The following PRSS8 variants were observed in gnomAD, a reference collection of about 807,000 sequenced individuals.
The protein encoded by PRSS8 is serine protease 8, also known as prostasin.
PRSS8 carries 11 observed loss-of-function variants against 26.7 expected under a neutral mutation model. That is an observed-to-expected ratio of 0.41 (90% CI 0.26 to 0.68). The LOEUF is 0.68. Among genes scored for constraint, PRSS8 ranks in the 30% least tolerant of loss-of-function variants. PRSS8 has a pLI of 0.30. For missense variants in PRSS8, 362 were observed against 443.5 expected (o/e 0.82, Z 1.65); for synonymous variants, 183 against 187.0 (o/e 0.98, Z 0.17).
Position 31,135,698 on chromosome 16 carries a change from A to G in PRSS8, c.-200T>C. 1 of 576,214 alleles carries G rather than the reference A, an allele frequency of 1.7e-6. No homozygotes were observed. The highest frequency in any genetic ancestry group is 3.1e-6 in the Non-Finnish European group (1 of 325,878). 35.7% of individuals were successfully genotyped at this position (576,214 alleles called of 1,614,324 possible). A position where few individuals can be genotyped will look rare whatever the true frequency, so the allele number is the denominator to read the frequency against. ...GGAGACGCCTGGAGTATCCGAAGCG[A>G]GCAGTGTGGACGAGTCACCAGCACC... On this transcript the variant is annotated 5_prime_UTR_variant, in exon 1 of 6. Transcript: ENST00000317508.
Position 31,131,462 on chromosome 16 carries a change from C to T in PRSS8, c.*547G>A, listed in dbSNP as rs2143999832. On this transcript the variant is annotated 3_prime_UTR_variant, in exon 6 of 6. Coordinates refer to ENST00000317508, the MANE Select transcript of PRSS8 (RefSeq NM_002773.5). ...GCTCAAACATTTTAATCATTTCTGCCCTGTTACTCCCACCCCAGATCCAAG... is the reference window on the plus strand; with the variant it reads ...GCTCAAACATTTTAATCATTTCTGCTCTGTTACTCCCACCCCAGATCCAAG... 1 of 640,718 alleles carries T rather than the reference C, an allele frequency of 1.6e-6. No homozygotes were observed. The highest frequency in any genetic ancestry group is 2.8e-5 in the East Asian group (1 of 35,712). 39.7% of individuals were successfully genotyped at this position (640,718 alleles called of 1,614,324 possible). A position where few individuals can be genotyped will look rare whatever the true frequency, so the allele number is the denominator to read the frequency against.
rs956659087 is a variant in PRSS8, at chr16:31,133,332, C to T, written c.160G>A (p.Gly54Ser). ...RITGGSSAVA[G>S]QWPWQVSITY... ...ATGCTGACCTGCCAGGGCCACTGACCGGCGACTGCACTGCTGCCACCTGTG... is the reference window on the plus strand; with the variant it reads ...ATGCTGACCTGCCAGGGCCACTGACTGGCGACTGCACTGCTGCCACCTGTG... Residue 54 changes from glycine (G) to serine (S), a missense_variant, in exon 3 of 6, where the codon GGT becomes AGT. Physicochemically the swap from Gly to Ser is moderately conservative, Grantham distance 56. Transcript: ENST00000317508. This position sits in a 1 kb window ranked among gnomAD's most constrained non-coding sequence, Gnocchi z 4.7. 5.0e-6 allele frequency: 8 copies of T among 1,613,952 alleles called. No homozygotes were observed. Among genetic ancestry groups the T allele is most frequent in the South Asian group, 1.1e-5 (1 of 91,080 alleles).
chr16:31,134,972 G>C, intron 2 of PRSS8, 182 bp downstream of exon 2: 1 of 685,432 alleles, frequency 1.5e-6, no homozygotes, highest in South Asian at 1.9e-5. Context: ...CTGGCAGTGT[G>C]CCCTGGGCAA....
intron 2 of PRSS8, 23 bp downstream of exon 2, chr16:31,135,131 T>A (rs1166912773): frequency 3.1e-6 from 5 of 1,610,662 alleles, no homozygotes; most frequent in Non-Finnish European, 4.2e-6. Context: ...CCTCCCCTCC[T>A]CCCTCTCCGA....
rs765273950 is a variant in PRSS8 at position 31,133,309 on chromosome 16, G to A, written c.183C>T (p.Ser61=). The A allele has an allele frequency of 6.2e-7, 1 of 1,614,004 alleles. No homozygotes were observed. The highest frequency in any genetic ancestry group is 1.7e-5 in the Admixed American group (1 of 60,018). The change falls in exon 3 of 6, where the codon AGC becomes AGT. Residue 61 remains serine, a synonymous_variant. Transcript: ENST00000317508. This position sits in a 1 kb window ranked among gnomAD's most constrained non-coding sequence, Gnocchi z 4.7. ...ACACATGGACGCCTTCATAGGTGAT[G>A]CTGACCTGCCAGGGCCACTGACCGG... is the stretch of plus-strand genomic sequence containing the variant. ...AVAGQWPWQV[S]ITYEGVHVCG...
Position 31,133,521 on chromosome 16 carries a change from AGTTGTGCCCCTTCTGT to A in PRSS8, c.104-149_104-134del. 1 of 1,123,020 alleles carries A rather than the reference AGTTGTGCCCCTTCTGT, an allele frequency of 8.9e-7. No individual in the cohort carries two copies. The highest frequency in any genetic ancestry group is 1.6e-5 in the African/African-American group (1 of 64,228). The allele number at this position is 1,123,020 out of a possible 1,614,324, so 69.6% of individuals were successfully genotyped here. A position where few individuals can be genotyped will look rare whatever the true frequency, so the allele number is the denominator to read the frequency against. ...CCTTTGTCCCCTCCCAGGCATGGGCAGTTGTGCCCCTTCTGTCCACTACCCATTACCTAATTCAGGT... is the reference window on the plus strand; with the variant it reads ...CCTTTGTCCCCTCCCAGGCATGGGCACCACTACCCATTACCTAATTCAGGT... On this transcript the variant is annotated intron_variant, in intron 2 of 5. Transcript: ENST00000317508. This position sits in a 1 kb window ranked among gnomAD's most constrained non-coding sequence, Gnocchi z 4.7.
rs1159275732 is a variant in PRSS8, at chr16:31,135,486, C to G, written c.13G>C (p.Gly5Arg). The G allele has an allele frequency of 1.3e-6, 2 of 1,568,678 alleles. No homozygotes were observed. The highest frequency in any genetic ancestry group is 1.7e-6 in the Non-Finnish European group (2 of 1,158,166). Reference protein sequence around the residue: MAQKGVLGPGQLGAV... With the variant: MAQKRVLGPGQLGAV... ...CCCAGCTGCCCAGGCCCCAGGACCC[C>G]CTTCTGGGCCATGGCCCAGGACAAG... The change falls in exon 1 of 6, where the codon GGG (glycine) becomes CGG (arginine). Residue 5 changes from glycine (G) to arginine (R), a missense_variant. By Grantham distance (125) the Gly-to-Arg change is moderately radical. Coordinates refer to ENST00000317508, the MANE Select transcript of PRSS8 (RefSeq NM_002773.5).
chr16:31,135,187 A>C lies in PRSS8; in HGVS notation c.86-16T>G. On this transcript the variant is annotated splice_polypyrimidine_tract_variant and intron_variant, in intron 1 of 5. Transcript: ENST00000317508. ...CCTTCCGCTCCTAGAAAGAAAGAGA[A>C]AGAGGAGGGGTGAGTAGGGAAGACT... The C allele has an allele frequency of 6.2e-7, 1 of 1,612,804 alleles. No homozygotes were observed. The highest frequency in any genetic ancestry group is 8.5e-7 in the Non-Finnish European group (1 of 1,179,480).
chr16:31,135,194 G>C (rs2057599236), intron 1 of PRSS8, 23 bp from the exon 2 acceptor site: 1 of 1,612,626 alleles, frequency 6.2e-7, no homozygotes, highest in Non-Finnish European at 8.5e-7. Flanking sequence ...AGAAAGAGGA[G>C]GGGTGAGTAG....
chr16:31,135,053 G>T, intron 2 of PRSS8, 101 bp downstream of exon 2: 1 of 1,422,560 alleles, frequency 7.0e-7, no homozygotes, highest in African/African-American at 1.4e-5. Context: ...GAATCTAGTT[G>T]GAAGGCAGCC....
chr16:31,133,144 A>G lies in PRSS8; in HGVS notation c.266+82T>C, dbSNP rs2057589972. ...ACTTAGAACTGACACTCTCAGACCC[A>G]ACCCAAGAACCCCAACCTCTGACCT... On this transcript the variant is annotated intron_variant, in intron 3 of 5. Coordinates refer to ENST00000317508, the MANE Select transcript of PRSS8 (RefSeq NM_002773.5). This position sits in a 1 kb window ranked among gnomAD's most constrained non-coding sequence, Gnocchi z 4.7. 4.4e-6 allele frequency: 7 copies of G among 1,603,144 alleles called. No individual in the cohort carries two copies. In the Middle Eastern group the frequency reaches 9.9e-4, roughly 227 times the overall value.
intron 2 of PRSS8, chr16:31,134,906 C>T: frequency 1.8e-6 from 1 of 555,680 alleles, no homozygotes; most frequent in Non-Finnish European, 3.2e-6. Context: ...AAAAAACCAC[C>T]TCGATTGCCC....
At position 31,131,642 on chromosome 16, in the gene PRSS8, AT is replaced by A; in HGVS notation, c.*366del. 4.8e-6 allele frequency: 2 copies of A among 416,738 alleles called. No individual in the cohort carries two copies. Among genetic ancestry groups the A allele is most frequent in the Non-Finnish European group, 8.7e-6 (2 of 231,120 alleles). 25.8% of individuals were successfully genotyped at this position (416,738 alleles called of 1,614,324 possible). A position where few individuals can be genotyped will look rare whatever the true frequency, so the allele number is the denominator to read the frequency against. ...CAGAACACAGGGAGAGGGCAGAGAG[AT>A]GTGCTCATCAGTCTGGGCAGGCGGG... On this transcript the variant is annotated 3_prime_UTR_variant, in exon 6 of 6. Coordinates refer to ENST00000317508, the MANE Select transcript of PRSS8 (RefSeq NM_002773.5).
rs2057585994 is a variant in PRSS8 at position 31,132,523 on chromosome 16, A to G, written c.611T>C (p.Leu204Pro). 5.6e-6 allele frequency: 9 copies of G among 1,613,928 alleles called. No homozygotes were observed. Among genetic ancestry groups the G allele is most frequent in the Non-Finnish European group, 7.6e-6 (9 of 1,179,912 alleles). Residue 204 changes from leucine (L) to proline (P), a missense_variant, in exon 5 of 6, where the codon CTG (leucine) becomes CCG (proline). Physicochemically the swap from Leu to Pro is moderately conservative, Grantham distance 98. Coordinates refer to ENST00000317508, the MANE Select transcript of PRSS8 (RefSeq NM_002773.5). This position sits in a 1 kb window ranked among gnomAD's most constrained non-coding sequence, Gnocchi z 5.2. ...CTCAGGCTTGGCGTCGATGTTGTAC[A>G]GGCAGTTACACGTCTCACGACTGAT... ...PLISRETCNC[L>P]YNIDAKPEEP...
rs1031553433 is a variant in PRSS8, at chr16:31,133,684, G to A, written c.104-296C>T. On this transcript the variant is annotated intron_variant, in intron 2 of 5. Coordinates refer to ENST00000317508, the MANE Select transcript of PRSS8 (RefSeq NM_002773.5). The surrounding 1 kb of genome is among the most constrained non-coding windows in gnomAD (Gnocchi z 4.7). ...CTGCTTAAACCCTTCTTGGCTCCAC[G>A]CGGTCCTTAAGATACATTCCAGACA... is the stretch of plus-strand genomic sequence containing the variant. Among the ~76,000 whole-genome samples, 6 of 152,086 alleles carry A rather than the reference G, an allele frequency of 3.9e-5. No individual in the cohort carries two copies. Among genetic ancestry groups the A allele is most frequent in the Admixed American group, 2.0e-4 (3 of 15,264 alleles).
chr16:31,135,328 C>T, intron 1 of PRSS8, 86 bp downstream of exon 1: 1 of 1,575,730 alleles, frequency 6.3e-7, no homozygotes. Context: ...TTTTCTTGGG[C>T]CCCAGACAAG....
Position 31,133,169 on chromosome 16 carries a change from T to C in PRSS8, c.266+57A>G. ...AACCCAAGAACCCCAACCTCTGACCTGGATTGACCCATTAACTTTGACCTC... is the reference window on the plus strand; with the variant it reads ...AACCCAAGAACCCCAACCTCTGACCCGGATTGACCCATTAACTTTGACCTC... On this transcript the variant is annotated intron_variant, in intron 3 of 5. Coordinates refer to ENST00000317508, the MANE Select transcript of PRSS8 (RefSeq NM_002773.5). This position sits in a 1 kb window ranked among gnomAD's most constrained non-coding sequence, Gnocchi z 4.7. The C allele has an allele frequency of 6.2e-7, 1 of 1,611,246 alleles. No individual in the cohort carries two copies. Among genetic ancestry groups the C allele is most frequent in the Non-Finnish European group, 8.5e-7 (1 of 1,179,394 alleles).
chr16:31,133,304 G>T lies in PRSS8; in HGVS notation c.188C>A (p.Thr63Asn), dbSNP rs2057590873. ...ACCACACACATGGACGCCTTCATAGGTGATGCTGACCTGCCAGGGCCACTG... is the reference window on the plus strand; with the variant it reads ...ACCACACACATGGACGCCTTCATAGTTGATGCTGACCTGCCAGGGCCACTG... ...AGQWPWQVSI[T>N]YEGVHVCGGS... is the part of the protein sequence containing the mutation. Residue 63 changes from threonine (T) to asparagine (N), a missense_variant, in exon 3 of 6, where the codon ACC becomes AAC. By Grantham distance (65) the Thr-to-Asn change is moderately conservative. Transcript: ENST00000317508. The surrounding 1 kb of genome is among the most constrained non-coding windows in gnomAD (Gnocchi z 4.7). 6.2e-7 allele frequency: 1 copy of T among 1,614,006 alleles called. No homozygotes were observed. The highest frequency in any genetic ancestry group is 8.5e-7 in the Non-Finnish European group (1 of 1,179,900).
At position 31,135,515 on chromosome 16, in the gene PRSS8, C is replaced by T. The variant is rs951995166; in HGVS notation, c.-17G>A. 2.6e-6 allele frequency: 4 copies of T among 1,526,786 alleles called. No homozygotes were observed. The highest frequency in any genetic ancestry group is 3.5e-6 in the Non-Finnish European group (4 of 1,139,592). The allele number at this position is 1,526,786 out of a possible 1,614,324, so 94.6% of individuals were successfully genotyped here. On this transcript the variant is annotated 5_prime_UTR_variant, in exon 1 of 6. Transcript: ENST00000317508. The stretch of plus-strand genomic sequence containing the variant: ...CTGGGCCATGGCCCAGGACAAGGGC[C>T]CCTGGGGCAGACTCCAGGCACGCAA...
Sources: gnomAD v4.1 joint callset for allele counts (sites outside exome capture counted in the v4.1 genomes callset) on GRCh38, gnomAD v4.1.1 for gene constraint, Gnocchi (gnomAD v3.1) non-coding constraint, MANE v1.5 for transcripts, NCBI Gene and HGNC (gene_info 2026-07-23, HGNC 2026-07-21) for gene names.